Variants in ARSG observed in about 807,000 individuals in gnomAD.
The protein encoded by ARSG is arylsulfatase G.
In ARSG, 37 loss-of-function variants were observed where a neutral mutation model predicts 50.5. The ratio of observed to expected loss-of-function variants is 0.73; its 90% confidence interval spans 0.56 to 0.96. The LOEUF (loss-of-function observed/expected upper bound fraction) is 0.96, where lower values mean the gene tolerates loss of function less well. Ranked by LOEUF, ARSG falls within the 50% of genes least tolerant of loss-of-function variation. The pLI, the probability that ARSG is intolerant of heterozygous loss-of-function variation, is 0.00. For missense variants in ARSG, 629 were observed against 675.3 expected (o/e 0.93, Z 0.76); for synonymous variants, 225 against 254.6 (o/e 0.88, Z 1.11).
chr17:68,364,935 C>T, intron 6 of ARSG, among the ~76,000 whole-genome samples: 1 of 152,134 alleles, frequency 6.6e-6, no homozygotes. Flanking sequence ...TGGAATCTAG[C>T]CTGGCATCAG....
chr17:68,444,644 C>A, the ARSG span: 1 of 1,404,422 alleles, frequency 7.1e-7, no homozygotes, highest in African/African-American at 1.4e-5. Flanking sequence ...AAGACCCTGA[C>A]CAAATCCAAA....
the ARSG span, chr17:68,450,930 A>G: frequency 6.3e-7 from 1 of 1,597,650 alleles, no homozygotes; most frequent in East Asian, 2.2e-5. Context: ...GGTTACATGG[A>G]TTGATCACTT....
intron 6 of ARSG, among the ~76,000 whole-genome samples, chr17:68,359,088 G>C (rs565533798): frequency 6.6e-6 from 1 of 151,834 alleles, no homozygotes; most frequent in Non-Finnish European, 1.5e-5. Context: ...GCGTGAACCC[G>C]GGAGGTGGAG....
At chr17:68,347,481 G>A (rs2078568315) in intron 4 of ARSG, among the ~76,000 whole-genome samples, 1 of 152,148 alleles carries the variant, frequency 6.6e-6, no homozygotes, top group African/African-American at 2.4e-5. Flanking sequence ...TGCCCCATGA[G>A]GTCCAGACAT....
intron 8 of ARSG, among the ~76,000 whole-genome samples, chr17:68,374,620 G>C (rs1040362221): frequency 8.5e-5 from 13 of 152,144 alleles, no homozygotes; most frequent in African/African-American, 2.9e-4. Context: ...GGGAGGCTGA[G>C]GCAAGAAGAT....
intron 1 of ARSG, among the ~76,000 whole-genome samples, chr17:68,269,673 G>GTTTTTTTTTTTTTTTT (rs782421181): frequency 9.0e-5 from 7 of 77,894 alleles, no homozygotes; most frequent in Non-Finnish European, 1.3e-4. Context: ...TTCACTTTAG[G>GTTTTTTTTTTTTTTTT]TTTTTTTTTT....
intron 2 of ARSG, among the ~76,000 whole-genome samples, chr17:68,314,264 C>G (rs1230028903): frequency 6.6e-6 from 1 of 151,946 alleles, no homozygotes; most frequent in Non-Finnish European, 1.5e-5. Flanking sequence ...CAGTGGCTCA[C>G]ACCTGTAATC....
intron 8 of ARSG, among the ~76,000 whole-genome samples, chr17:68,379,406 G>A (rs915641872): frequency 7.1e-6 from 1 of 141,548 alleles, no homozygotes; most frequent in Admixed American, 7.2e-5. Context: ...GTGCCACCAT[G>A]CCTGGAACAC....
intron 2 of ARSG, among the ~76,000 whole-genome samples, chr17:68,328,758 G>C (rs189362940): frequency 2.0e-5 from 3 of 152,316 alleles, no homozygotes; most frequent in Non-Finnish European, 2.9e-5. Context: ...TACATGCCTA[G>C]ATGCTGGAGG....
chr17:68,426,253 G>GGGGGGC (rs1397110340), downstream of ARSG: 1 of 840,686 alleles, frequency 1.2e-6, no homozygotes, highest in Non-Finnish European at 1.9e-6. Context: ...GGGGAGCGGG[G>GGGGGGC]GCTCAAATAA....
At chr17:68,286,206 C>G (rs1193093686) in intron 1 of ARSG, among the ~76,000 whole-genome samples, 2 of 152,202 alleles carry the variant, frequency 1.3e-5, no homozygotes, top group Admixed American at 1.3e-4. Flanking sequence ...CACTGAAGTT[C>G]TGGTGCCAGC....
chr17:68,437,966 A>AAAAAAAAAAAAC, the ARSG span, among the ~76,000 whole-genome samples: 1 of 150,888 alleles, frequency 6.6e-6, no homozygotes, highest in Non-Finnish European at 1.5e-5. Flanking sequence ...AAAAAAAAAA[A>AAAAAAAAAAAAC]AAAAAAAGTG....
At chr17:68,433,575 C>A in the ARSG span, 1 of 1,613,140 alleles carries the variant, frequency 6.2e-7, no homozygotes, top group East Asian at 2.2e-5. Flanking sequence ...TTGTCACATA[C>A]CTACAAGCAC....
At chr17:68,322,644 AAAAAAG>A (rs1330533581) in intron 2 of ARSG, among the ~76,000 whole-genome samples, 1 of 152,122 alleles carries the variant, frequency 6.6e-6, no homozygotes, top group Non-Finnish European at 1.5e-5. Flanking sequence ...AAAATTAAAA[AAAAAAG>A]AAATTAAGAT....
chr17:68,422,974 G>A (rs1278436351), downstream of ARSG, among the ~76,000 whole-genome samples: 2 of 152,106 alleles, frequency 1.3e-5, no homozygotes, highest in Admixed American at 6.6e-5. Context: ...GGAGGCAAGC[G>A]TGATCCTACG....
At chr17:68,292,073 G>A (rs1460399788) in intron 1 of ARSG, among the ~76,000 whole-genome samples, 1 of 152,160 alleles carries the variant, frequency 6.6e-6, no homozygotes, top group East Asian at 1.9e-4. Flanking sequence ...AGTGGGGAGG[G>A]AGTGTCGCAG....
At chr17:68,261,347 C>T (rs1174319610) in intron 1 of ARSG, among the ~76,000 whole-genome samples, 1 of 152,138 alleles carries the variant, frequency 6.6e-6, no homozygotes, top group African/African-American at 2.4e-5. Context: ...GTGGATGAGA[C>T]AGAGAGTCAA....
At chr17:68,305,337 TC>T (rs1262995535) in intron 1 of ARSG, among the ~76,000 whole-genome samples, 6 of 152,354 alleles carry the variant, frequency 3.9e-5, no homozygotes, top group African/African-American at 1.4e-4. Flanking sequence ...TTAAGCAGTT[TC>T]CTTTTTCTTC....
At chr17:68,424,108 A>G (rs541162148), downstream of ARSG, among the ~76,000 whole-genome samples, 13 of 152,340 alleles carry the variant, frequency 8.5e-5, no homozygotes, top group Non-Finnish European at 1.8e-4. Context: ...AGTTGGGGCC[A>G]TGAGAACCCA....
Sources: gnomAD v4.1 joint callset for allele counts (sites outside exome capture counted in the v4.1 genomes callset) on GRCh38, gnomAD v4.1.1 for gene constraint, MANE v1.5 for transcripts, NCBI Gene and HGNC (gene_info 2026-07-23, HGNC 2026-07-21) for gene names.